STARD13: variants seen among roughly 807,000 people sequenced by gnomAD.
STARD13 encodes stAR-related lipid transfer protein 13.
STARD13 carries 62 observed loss-of-function variants against 106.4 expected under a neutral mutation model. The ratio of observed to expected loss-of-function variants is 0.58; its 90% CI spans 0.48 to 0.72. STARD13 has a LOEUF of 0.72. Among genes scored for constraint, STARD13 ranks in the 30% least tolerant of loss-of-function variants. STARD13 has a pLI of 0.00. For synonymous variants in STARD13, 565 were observed against 553.0 expected (o/e 1.02, Z -0.31); for missense variants, 1,387 against 1,424.0 (o/e 0.97, Z 0.42).
the STARD13 span, among the ~76,000 whole-genome samples, chr13:33,473,745 T>G: frequency 6.6e-6 from 1 of 152,200 alleles, no homozygotes; most frequent in Non-Finnish European, 1.5e-5. Context: ...TCTCTGGCCC[T>G]GCCACTGCCA....
chr13:33,671,810 A>G, the STARD13 span, among the ~76,000 whole-genome samples: 52 of 152,292 alleles, frequency 3.4e-4, no homozygotes, highest in Middle Eastern at 3.4e-3. Context: ...GCCTAAAATA[A>G]TACATAAGTC....
At chr13:33,346,419 A>G (rs2078017338), downstream of STARD13, among the ~76,000 whole-genome samples, 1 of 152,216 alleles carries the variant, frequency 6.6e-6, no homozygotes, top group African/African-American at 2.4e-5. Flanking sequence ...CACATGGCAC[A>G]GAAACCCATA....
At chr13:33,456,258 C>T in the STARD13 span, among the ~76,000 whole-genome samples, 321 of 152,204 alleles carry the variant, frequency 2.1e-3, 2 homozygotes, top group African/African-American at 7.4e-3. Context: ...GGCATGATCT[C>T]GGCTTACTGC....
chr13:33,645,621 T>A, the STARD13 span, among the ~76,000 whole-genome samples: 12 of 152,222 alleles, frequency 7.9e-5, no homozygotes, highest in Non-Finnish European at 1.6e-4. Flanking sequence ...GCAGCCAAAG[T>A]CTAAAGGGAT....
intron 1 of STARD13, among the ~76,000 whole-genome samples, chr13:33,170,632 TAAA>T (rs1379281222): frequency 2.6e-5 from 4 of 152,204 alleles, no homozygotes; most frequent in Non-Finnish European, 5.9e-5. Context: ...GTAAATATCA[TAAA>T]TTAGAAGCAG....
At chr13:33,551,011 T>C in the STARD13 span, among the ~76,000 whole-genome samples, 4 of 152,250 alleles carry the variant, frequency 2.6e-5, no homozygotes, top group African/African-American at 9.6e-5. Flanking sequence ...TTTTCTTTAC[T>C]ACTGTTACTC....
intron 1 of STARD13, among the ~76,000 whole-genome samples, chr13:33,306,229 G>C (rs1446584687): frequency 6.6e-6 from 1 of 152,178 alleles, no homozygotes; most frequent in Admixed American, 6.5e-5. Context: ...AATGGGGAAA[G>C]GATTCCCTAC....
the STARD13 span, among the ~76,000 whole-genome samples, chr13:33,473,614 G>A: frequency 6.6e-6 from 1 of 152,156 alleles, no homozygotes; most frequent in South Asian, 2.1e-4. Context: ...TTCAATAAGA[G>A]ATTTTGGTTC....
chr13:33,371,888 C>T, the STARD13 span, among the ~76,000 whole-genome samples: 1 of 152,064 alleles, frequency 6.6e-6, no homozygotes. Context: ...AAATTTATTT[C>T]TGTTTGAATT....
the STARD13 span, among the ~76,000 whole-genome samples, chr13:33,519,207 TTTTTCTTTCTTTC>T: frequency 0.023 from 2,018 of 88,560 alleles, 30 homozygotes; most frequent in African/African-American, 0.038. Flanking sequence ...TCTTGGTAAT[TTTTTCTTTCTTTC>T]TTTCTTTCTT....
intron 4 of STARD13, among the ~76,000 whole-genome samples, chr13:33,139,099 T>C (rs1014414295): frequency 1.3e-5 from 2 of 152,228 alleles, no homozygotes; most frequent in Admixed American, 6.5e-5. Flanking sequence ...TTGTGGACTT[T>C]AGTACAGATG....
intron 1 of STARD13, among the ~76,000 whole-genome samples, chr13:33,306,884 A>G (rs1367453715): frequency 6.6e-6 from 1 of 152,074 alleles, no homozygotes; most frequent in African/African-American, 2.4e-5. Context: ...CGGGAGGTGG[A>G]GGTTGTAGTG....
At chr13:33,127,216 C>T (rs544191678) in intron 6 of STARD13, among the ~76,000 whole-genome samples, 157 bp downstream of exon 6, 1 of 152,338 alleles carries the variant, frequency 6.6e-6, no homozygotes, top group Admixed American at 6.5e-5. Context: ...TCCACTGCAT[C>T]GAGGCTACGG....
intron 1 of STARD13, among the ~76,000 whole-genome samples, chr13:33,206,539 A>G (rs976635406): frequency 1.3e-5 from 2 of 152,250 alleles, no homozygotes; most frequent in African/African-American, 2.4e-5. Flanking sequence ...CATCCTTCAC[A>G]TTCTGATGAC....
At chr13:33,476,266 G>A in the STARD13 span, among the ~76,000 whole-genome samples, 1 of 152,042 alleles carries the variant, frequency 6.6e-6, no homozygotes, top group Non-Finnish European at 1.5e-5. Flanking sequence ...AGTGATCTTT[G>A]ATCCCAAACA....
intron 3 of STARD13, among the ~76,000 whole-genome samples, chr13:33,162,096 A>G (rs967921178): frequency 2.0e-5 from 3 of 152,132 alleles, no homozygotes; most frequent in African/African-American, 7.2e-5. Flanking sequence ...TGCTCCTCCA[A>G]ATCTCATGTC....
At chr13:33,429,929 G>A in the STARD13 span, among the ~76,000 whole-genome samples, 3 of 144,608 alleles carry the variant, frequency 2.1e-5, no homozygotes, top group Non-Finnish European at 3.0e-5. Context: ...TTTTTTTTTG[G>A]GGGGGGGGGA....
At chr13:33,141,899 C>G (rs904784517) in intron 4 of STARD13, among the ~76,000 whole-genome samples, 1 of 151,726 alleles carries the variant, frequency 6.6e-6, no homozygotes, top group Non-Finnish European at 1.5e-5. Flanking sequence ...AAAAAGAAAG[C>G]AAAATGAAAG....
At chr13:33,309,086 C>A (rs763608535) in intron 1 of STARD13, among the ~76,000 whole-genome samples, 19 of 152,188 alleles carry the variant, frequency 1.2e-4, no homozygotes, top group Non-Finnish European at 2.4e-4. Context: ...CTCAGATTAG[C>A]AATTCAGATT....
Sources: gnomAD v4.1 joint callset for allele counts (sites outside exome capture counted in the v4.1 genomes callset) on GRCh38, gnomAD v4.1.1 for gene constraint, MANE v1.5 for transcripts, NCBI Gene and HGNC (gene_info 2026-07-23, HGNC 2026-07-21) for gene names.